The following APBB2 variants were observed in gnomAD, a reference collection of about 807,000 sequenced individuals.
The protein encoded by APBB2 is Fe65-like 1.
APBB2 carries 38 observed loss-of-function variants against 82.5 expected under a neutral mutation model. The ratio of observed to expected loss-of-function variants is 0.46; its 90% CI spans 0.36 to 0.60. APBB2 has a LOEUF of 0.60. Among genes scored for constraint, APBB2 ranks in the 20% least tolerant of loss-of-function variants. APBB2 has a pLI of 0.00. For synonymous variants in APBB2, 341 were observed against 368.2 expected, an observed-to-expected ratio of 0.93 and a Z score of 0.85; for missense variants, 772 against 972.3, an observed-to-expected ratio of 0.79 and a Z score of 2.74.
intron 10 of APBB2, among the ~76,000 whole-genome samples, chr4:40,917,937 T>C (rs1780243943): frequency 6.6e-6 from 1 of 152,228 alleles, no homozygotes; most frequent in African/African-American, 2.4e-5. Flanking sequence ...CAGAGATGAA[T>C]GGACCAGAGA....
At chr4:41,085,250 CAA>C (rs71198629) in intron 3 of APBB2, among the ~76,000 whole-genome samples, 9 of 66,196 alleles carry the variant, frequency 1.4e-4, no homozygotes, top group Admixed American at 5.0e-4. Context: ...GACTCTGTCT[CAA>C]AAAAAAAAAA....
At chr4:41,140,778 TG>T (rs755070027) in intron 2 of APBB2, among the ~76,000 whole-genome samples, 1 of 152,216 alleles carries the variant, frequency 6.6e-6, no homozygotes. Flanking sequence ...CAAATGCTAT[TG>T]TGAACTGCAC....
chr4:40,903,804 C>T (rs1775973160), intron 10 of APBB2, among the ~76,000 whole-genome samples: 1 of 152,148 alleles, frequency 6.6e-6, no homozygotes, highest in Non-Finnish European at 1.5e-5. Context: ...CCGGCTGCTG[C>T]CTATGCTGCA....
At chr4:41,135,220 G>T (rs1757230756) in intron 2 of APBB2, among the ~76,000 whole-genome samples, 1 of 149,936 alleles carries the variant, frequency 6.7e-6, no homozygotes, top group Admixed American at 6.6e-5. Flanking sequence ...GCATAGCATG[G>T]TTACTATGAT....
intron 2 of APBB2, among the ~76,000 whole-genome samples, chr4:41,119,571 G>A (rs1211681053): frequency 2.2e-5 from 3 of 134,650 alleles, no homozygotes; most frequent in Non-Finnish European, 3.1e-5. Flanking sequence ...CTTAAAAATC[G>A]CAGTCCCAAT....
intron 1 of APBB2, among the ~76,000 whole-genome samples, chr4:41,152,160 T>G (rs575624826): frequency 6.6e-6 from 1 of 152,166 alleles, no homozygotes; most frequent in Non-Finnish European, 1.5e-5. Context: ...TCCTTAGGTC[T>G]TGGCTTTCCA....
rs543049193 is a variant in APBB2, at chr4:41,022,170, C to T, written c.20-7772G>A. The stretch of plus-strand genomic sequence containing the variant: ...TGTGAAGGGAATGAGGAACTGTTCT[C>T]AACCCTGGCCACATGTAAAAACCAC... On this transcript the variant is annotated intron_variant, in intron 5 of 17. Coordinates refer to ENST00000508593, the MANE Select transcript of APBB2 (RefSeq NM_004307.2). 8.5e-5 allele frequency among the ~76,000 whole-genome samples: 13 copies of T among 152,316 alleles called. No individual in the cohort carries two copies. In the East Asian group the frequency reaches 9.6e-4, roughly 11 times the overall value.
intron 12 of APBB2, among the ~76,000 whole-genome samples, chr4:40,840,489 C>T (rs917077828): frequency 7.2e-5 from 11 of 152,150 alleles, no homozygotes; most frequent in African/African-American, 2.7e-4. Flanking sequence ...ACATGTAAGA[C>T]TCTGGTTTTC....
chr4:41,045,631 T>A (rs566884154), intron 4 of APBB2, among the ~76,000 whole-genome samples: 1 of 152,202 alleles, frequency 6.6e-6, no homozygotes, highest in South Asian at 2.1e-4. Context: ...TCTGGTATGT[T>A]TTCATTGTCA....
At chr4:41,160,231 C>T (rs1335084284) in intron 1 of APBB2, among the ~76,000 whole-genome samples, 1 of 152,052 alleles carries the variant, frequency 6.6e-6, no homozygotes, top group East Asian at 1.9e-4. Context: ...AGACAAGGGC[C>T]TGGGATCAGC....
Position 40,884,102 on chromosome 4 carries a change from C to T in APBB2, c.1529+6262G>A, listed in dbSNP as rs1010586166. Reference sequence around the variant, plus strand: ...CCCAGCCTCTCCTCCCCTGCCAACCCCGGGACATTTAGACCATTCACCATC... The same window carrying T: ...CCCAGCCTCTCCTCCCCTGCCAACCTCGGGACATTTAGACCATTCACCATC... On this transcript the variant is annotated intron_variant, in intron 12 of 17. Transcript: ENST00000508593. Among the ~76,000 whole-genome samples the T allele has an allele frequency of 2.6e-5, 4 of 152,308 alleles. No homozygotes were observed. In the South Asian group the frequency reaches 8.3e-4, roughly 32 times the overall value.
chr4:41,159,879 C>CA (rs796692414), intron 1 of APBB2, among the ~76,000 whole-genome samples: 6,468 of 65,454 alleles, frequency 0.099, 579 homozygotes, highest in African/African-American at 0.17. Context: ...GGCTTAAGGG[C>CA]AAAAAAAAAA....
chr4:40,849,012 A>T (rs577311093), intron 12 of APBB2: 1 of 478,144 alleles, frequency 2.1e-6, no homozygotes, highest in African/African-American at 2.1e-5. Flanking sequence ...CATAGTAGGC[A>T]ATCAATCAAT....
chr4:40,990,290 TCTCC>T (rs1481709349), intron 6 of APBB2: 45 of 151,934 alleles, frequency 3.0e-4, no homozygotes, highest in Middle Eastern at 3.4e-3. Context: ...CTTTCTTCTC[TCTCC>T]CTCTCTCTTT....
At chr4:41,002,048 T>A (rs1805397635) in intron 6 of APBB2, among the ~76,000 whole-genome samples, 1 of 152,192 alleles carries the variant, frequency 6.6e-6, no homozygotes, top group Admixed American at 6.5e-5. Context: ...TCAAATTATT[T>A]GATTTTTCCA....
intron 6 of APBB2, among the ~76,000 whole-genome samples, chr4:40,952,781 G>A (rs1790558871): frequency 1.3e-5 from 2 of 152,128 alleles, no homozygotes; most frequent in Non-Finnish European, 1.5e-5. Context: ...CTATCTTCCC[G>A]CTGGGATGTT....
At chr4:41,024,425 A>G (rs1424853876) in intron 5 of APBB2, among the ~76,000 whole-genome samples, 1 of 152,274 alleles carries the variant, frequency 6.6e-6, no homozygotes, top group Non-Finnish European at 1.5e-5. Context: ...CAAACTGTGC[A>G]TCTGACAAAG....
intron 6 of APBB2, among the ~76,000 whole-genome samples, chr4:40,994,396 T>G (rs1287565770): frequency 1.3e-5 from 2 of 152,154 alleles, no homozygotes; most frequent in Non-Finnish European, 2.9e-5. Flanking sequence ...AAAATAAGAT[T>G]GCTCTTGAAG....
intron 3 of APBB2, among the ~76,000 whole-genome samples, chr4:41,080,417 G>C (rs1484445024): frequency 6.6e-6 from 1 of 152,232 alleles, no homozygotes; most frequent in Non-Finnish European, 1.5e-5. Flanking sequence ...TGTGGATGCA[G>C]AGAAAGAAAG....
Sources: allele counts gnomAD v4.1 joint callset (sites outside exome capture counted in the v4.1 genomes callset), GRCh38; gene constraint gnomAD v4.1.1; transcripts MANE v1.5; gene names NCBI Gene and HGNC (gene_info 2026-07-23, HGNC 2026-07-21).